Variants in GRIN2A observed in about 807,000 individuals in gnomAD.
GRIN2A encodes glutamate ionotropic receptor NMDA type subunit 2A, also known as glutamate receptor ionotropic, NMDA 2A.
GRIN2A carries 22 observed loss-of-function variants against 113.4 expected under a neutral mutation model. That is an observed-to-expected ratio of 0.19 (90% CI 0.14 to 0.28). The LOEUF (loss-of-function observed/expected upper bound fraction) is 0.28, where lower values mean the gene tolerates loss of function less well. GRIN2A is among the 10% of genes least tolerant of loss of function. The pLI, the probability that GRIN2A is intolerant of heterozygous loss-of-function variation, is 1.00. For synonymous variants in GRIN2A, 827 were observed against 738.4 expected, an observed-to-expected ratio of 1.12 and a Z score of -1.94; for missense variants, 1,502 against 1,887.0, an observed-to-expected ratio of 0.80 and a Z score of 3.78.
intron 10 of GRIN2A, among the ~76,000 whole-genome samples, chr16:9,815,253 C>T (rs1263741445): frequency 1.3e-5 from 2 of 151,974 alleles, no homozygotes; most frequent in East Asian, 1.9e-4. Flanking sequence ...ACAATACTCC[C>T]TAAATTTTTT....
chr16:9,956,456 A>G (rs1219312596), intron 2 of GRIN2A, among the ~76,000 whole-genome samples: 1 of 152,174 alleles, frequency 6.6e-6, no homozygotes, highest in Non-Finnish European at 1.5e-5. Context: ...AATAGTATGA[A>G]TCTTACCAAC....
At chr16:9,950,072 C>A (rs1353723693) in intron 2 of GRIN2A, among the ~76,000 whole-genome samples, 2 of 152,120 alleles carry the variant, frequency 1.3e-5, no homozygotes, top group Non-Finnish European at 1.5e-5. Context: ...CTGTCTGAAC[C>A]CTTGTTACTT....
At chr16:9,917,384 G>C (rs2044273352) in intron 3 of GRIN2A, among the ~76,000 whole-genome samples, 1 of 152,226 alleles carries the variant, frequency 6.6e-6, no homozygotes, top group Non-Finnish European at 1.5e-5. Flanking sequence ...TGAACACTAG[G>C]TAAATTCTTC....
intron 2 of GRIN2A, among the ~76,000 whole-genome samples, chr16:10,108,403 T>C (rs2048539217): frequency 6.6e-6 from 1 of 152,172 alleles, no homozygotes; most frequent in African/African-American, 2.4e-5. Flanking sequence ...CATGTGGGAA[T>C]TGTGGGAGTT....
chr16:9,840,834 G>T lies in GRIN2A; in HGVS notation c.1498-34C>A, dbSNP rs9924016. ...AAGGCAAAAAAAAAAAAAAAAAAAAGAGAGAGAGAGAACAACAGTACTTTA... is the reference window on the plus strand; with the variant it reads ...AAGGCAAAAAAAAAAAAAAAAAAAATAGAGAGAGAGAACAACAGTACTTTA... On this transcript the variant is annotated intron_variant, in intron 6 of 12. Coordinates refer to ENST00000330684, the MANE Select transcript of GRIN2A (RefSeq NM_001134407.3). The T allele has an allele frequency of 1.0e-5, 7 of 695,854 alleles. 1 individual carries two copies. The highest frequency in any genetic ancestry group is 1.4e-5 in the Non-Finnish European group (7 of 509,844). 43.1% of individuals were successfully genotyped at this position (695,854 alleles called of 1,614,324 possible). A position where few individuals can be genotyped will look rare whatever the true frequency, so the allele number is the denominator to read the frequency against.
At chr16:10,003,835 A>T (rs753364887) in intron 2 of GRIN2A, among the ~76,000 whole-genome samples, 34 of 152,180 alleles carry the variant, frequency 2.2e-4, no homozygotes, top group Non-Finnish European at 4.0e-4. Context: ...CTTGAGAAAG[A>T]CTGTGGGTTC....
chr16:9,971,271 T>C (rs1248705572), intron 2 of GRIN2A, among the ~76,000 whole-genome samples: 1 of 152,222 alleles, frequency 6.6e-6, no homozygotes, highest in Non-Finnish European at 1.5e-5. Context: ...TTCCCTGATA[T>C]AACAATTTCC....
At chr16:10,081,328 T>G (rs185598915) in intron 2 of GRIN2A, among the ~76,000 whole-genome samples, 5 of 152,334 alleles carry the variant, frequency 3.3e-5, no homozygotes, top group African/African-American at 1.2e-4. Flanking sequence ...ATGAAGCTAT[T>G]GCGAAGTCAG....
intron 3 of GRIN2A, among the ~76,000 whole-genome samples, chr16:9,915,152 G>C (rs1004537331): frequency 2.6e-5 from 4 of 151,342 alleles, no homozygotes; most frequent in Non-Finnish European, 5.9e-5. Flanking sequence ...TAGCTAGGAT[G>C]GTCTTGATCT....
intron 2 of GRIN2A, among the ~76,000 whole-genome samples, chr16:10,031,916 T>C (rs2046936885): frequency 2.6e-5 from 4 of 152,224 alleles, no homozygotes; most frequent in Admixed American, 2.6e-4. Context: ...CTATGCCCAG[T>C]CTCTTTCCAC....
At chr16:9,800,508 A>G (rs543917239) in intron 10 of GRIN2A, among the ~76,000 whole-genome samples, 69 of 152,296 alleles carry the variant, frequency 4.5e-4, no homozygotes, top group African/African-American at 1.6e-3. Context: ...GATGTGAAAC[A>G]CTGCATCTTT....
chr16:9,891,846 C>T, intron 3 of GRIN2A, among the ~76,000 whole-genome samples: 1 of 152,106 alleles, frequency 6.6e-6, no homozygotes. Context: ...CAGAGAAAGA[C>T]AGGAAAATGT....
At chr16:9,822,502 T>A (rs1056843364) in intron 9 of GRIN2A, 78 bp from the exon 10 acceptor site, 5 of 926,540 alleles carry the variant, frequency 5.4e-6, no homozygotes, top group Non-Finnish European at 8.9e-6. Context: ...GAACAAATAA[T>A]AAATTAGTGA....
Position 9,928,783 on chromosome 16 carries a change from G to T in GRIN2A, c.1007+9176C>A, listed in dbSNP as rs373110087. On this transcript the variant is annotated intron_variant, in intron 3 of 12. Transcript: ENST00000330684. ...CCTCCCTCATCCGTCGAGACCCAAA[G>T]CTTCATCACTTCCTTATCTCTCCAA... 6.8e-4 allele frequency among the ~76,000 whole-genome samples: 103 copies of T among 152,214 alleles called. 2 individuals carry two copies. The South Asian group carries it at 0.011, about 17-fold the overall frequency.
intron 10 of GRIN2A, 26 bp downstream of exon 10, chr16:9,822,235 TGTG>T (rs781076545): frequency 6.2e-7 from 1 of 1,610,048 alleles, no homozygotes; most frequent in South Asian, 1.1e-5. Flanking sequence ...CTCGCAGACC[TGTG>T]GTGAAAAGGA....
intron 4 of GRIN2A, among the ~76,000 whole-genome samples, chr16:9,865,047 G>T (rs550257966): frequency 1.3e-5 from 2 of 152,166 alleles, no homozygotes; most frequent in East Asian, 3.9e-4. Flanking sequence ...ATTTTTCTTT[G>T]CTCATCTCTG....
chr16:10,063,990 T>C (rs1722338649), intron 2 of GRIN2A, among the ~76,000 whole-genome samples: 1 of 152,182 alleles, frequency 6.6e-6, no homozygotes, highest in Non-Finnish European at 1.5e-5. Flanking sequence ...GGATTTTATG[T>C]CTCAGCAGTA....
intron 2 of GRIN2A, among the ~76,000 whole-genome samples, chr16:10,087,172 C>T (rs117359036): frequency 0.019 from 2,953 of 152,314 alleles, 37 homozygotes; most frequent in Admixed American, 0.022. Context: ...GTTAACCTCT[C>T]TGAGCCTCAG....
intron 10 of GRIN2A, among the ~76,000 whole-genome samples, chr16:9,808,461 C>T (rs1314532796): frequency 2.0e-5 from 3 of 152,126 alleles, no homozygotes; most frequent in Non-Finnish European, 2.9e-5. Flanking sequence ...GGCCAGAAAA[C>T]ATGAGAGTGA....
Sources: allele counts gnomAD v4.1 joint callset (sites outside exome capture counted in the v4.1 genomes callset), GRCh38; gene constraint gnomAD v4.1.1; transcripts MANE v1.5; gene names NCBI Gene and HGNC (gene_info 2026-07-23, HGNC 2026-07-21).